Variants in LRP1B observed in about 807,000 individuals in gnomAD.
LRP1B encodes LDL receptor related protein 1B, also known as low-density lipoprotein receptor-related protein 1B.
LRP1B carries 217 observed loss-of-function variants against 556.6 expected under a neutral mutation model. That is an observed-to-expected ratio of 0.39 (90% CI 0.35 to 0.44). The LOEUF is 0.44. Ranked by LOEUF, LRP1B falls within the 20% of genes least tolerant of loss-of-function variation. LRP1B has a pLI of 1.00. For synonymous variants in LRP1B, 2,047 were observed against 1,865.8 expected (o/e 1.10, Z -2.50); for missense variants, 5,053 against 5,620.8 (o/e 0.90, Z 3.23).
At chr2:140,253,181 C>T (rs1681529507) in intron 86 of LRP1B, among the ~76,000 whole-genome samples, 1 of 151,870 alleles carries the variant, frequency 6.6e-6, no homozygotes, top group African/African-American at 2.4e-5. Flanking sequence ...TAAACTATGA[C>T]AGTAAACATT....
At chr2:142,066,765 C>T (rs1705124663) in intron 1 of LRP1B, among the ~76,000 whole-genome samples, 1 of 151,484 alleles carries the variant, frequency 6.6e-6, no homozygotes, top group African/African-American at 2.4e-5. Context: ...TTCAAATCTA[C>T]TTCCACATTT....
intron 3 of LRP1B, among the ~76,000 whole-genome samples, chr2:141,448,633 T>C (rs1681288770): frequency 6.6e-6 from 1 of 152,238 alleles, no homozygotes; most frequent in East Asian, 1.9e-4. Flanking sequence ...CTTCACGGCT[T>C]CCCCTGGCTA....
At chr2:140,864,572 A>G (rs1481145453) in intron 27 of LRP1B, among the ~76,000 whole-genome samples, 2 of 152,090 alleles carry the variant, frequency 1.3e-5, no homozygotes, top group Non-Finnish European at 2.9e-5. Flanking sequence ...TTAATGCTTC[A>G]TTATATAATC....
intron 3 of LRP1B, among the ~76,000 whole-genome samples, chr2:141,478,173 C>T (rs1185978247): frequency 6.6e-6 from 1 of 151,906 alleles, no homozygotes; most frequent in Non-Finnish European, 1.5e-5. Flanking sequence ...ATTTGAATCC[C>T]CTTTTATGCT....
In LRP1B at chr2:141,528,685, GAATTA is replaced by G. The variant is rs1207002466; in HGVS notation, c.206-48157_206-48153del. 3.3e-5 allele frequency among the ~76,000 whole-genome samples: 5 copies of G among 152,140 alleles called. No homozygotes were observed. The East Asian group carries it at 9.7e-4, about 29-fold the overall frequency. ...TCTTCACCATAGGACTTTATCATCT[GAATTA>G]AATTAGAACTAGGGTAAAAATCTAA... On this transcript the variant is annotated intron_variant, in intron 2 of 90. Transcript: ENST00000389484.
intron 41 of LRP1B, among the ~76,000 whole-genome samples, chr2:140,632,637 G>C (rs1441232677): frequency 1.3e-5 from 2 of 151,974 alleles, no homozygotes; most frequent in African/African-American, 2.4e-5. Flanking sequence ...ATTACAATAT[G>C]GTACATATTA....
chr2:140,412,600 C>T (rs1433862541), intron 66 of LRP1B, among the ~76,000 whole-genome samples: 5 of 152,034 alleles, frequency 3.3e-5, no homozygotes, highest in Admixed American at 1.3e-4. Context: ...AAAGTACCCA[C>T]TATGTGTCAG....
intron 41 of LRP1B, among the ~76,000 whole-genome samples, chr2:140,688,513 T>C (rs893547272): frequency 4.6e-5 from 7 of 152,120 alleles, no homozygotes; most frequent in Non-Finnish European, 1.5e-5. Flanking sequence ...GTTTAATGTA[T>C]TATTTAGGAG....
At chr2:141,114,162 C>A (rs1700822488) in intron 7 of LRP1B, among the ~76,000 whole-genome samples, 1 of 152,226 alleles carries the variant, frequency 6.6e-6, no homozygotes, top group Non-Finnish European at 1.5e-5. Flanking sequence ...GGCACACAGG[C>A]AGGCAGGTGC....
At chr2:141,032,826 C>CATACATACATACATATATAT in intron 11 of LRP1B, among the ~76,000 whole-genome samples, 1 of 126,616 alleles carries the variant, frequency 7.9e-6, no homozygotes, top group African/African-American at 3.0e-5. Context: ...TATATACATA[C>CATACATACATACATATATAT]ATATATATAT....
chr2:140,850,373 G>C lies in LRP1B; in HGVS notation c.4712-44C>G, dbSNP rs757441184. Reference sequence around the variant, plus strand: ...TTCTTTTCTCTTATGAAGTTGGCAAGCTTGAAAGTCTAGAAATTCTAAAAT... The same window carrying C: ...TTCTTTTCTCTTATGAAGTTGGCAACCTTGAAAGTCTAGAAATTCTAAAAT... On this transcript the variant is annotated intron_variant, in intron 28 of 90. Coordinates refer to ENST00000389484, the MANE Select transcript of LRP1B (RefSeq NM_018557.3). The C allele has an allele frequency of 4.2e-6, 5 of 1,203,814 alleles. No homozygotes were observed. In the East Asian group the frequency reaches 1.0e-4, roughly 24 times the overall value. 74.6% of individuals were successfully genotyped at this position (1,203,814 alleles called of 1,614,324 possible).
chr2:141,155,321 A>T (rs1291142876), intron 7 of LRP1B, among the ~76,000 whole-genome samples: 1 of 151,966 alleles, frequency 6.6e-6, no homozygotes, highest in Non-Finnish European at 1.5e-5. Context: ...TCACACAATA[A>T]TGCTTTATAT....
At chr2:142,055,353 T>C (rs1559046047) in intron 1 of LRP1B, among the ~76,000 whole-genome samples, 1 of 152,128 alleles carries the variant, frequency 6.6e-6, no homozygotes, top group Non-Finnish European at 1.5e-5. Flanking sequence ...GGTAATCTAA[T>C]GGCATATTGA....
intron 41 of LRP1B, among the ~76,000 whole-genome samples, chr2:140,632,573 T>C (rs1161604173): frequency 2.6e-5 from 4 of 151,590 alleles, no homozygotes; most frequent in South Asian, 4.2e-4. Context: ...CCAGAGGAGA[T>C]AGGAAAAGAG....
At chr2:140,936,747 C>A (rs1695238328) in intron 20 of LRP1B, among the ~76,000 whole-genome samples, 2 of 152,122 alleles carry the variant, frequency 1.3e-5, no homozygotes, top group African/African-American at 4.8e-5. Context: ...TATTATTGTA[C>A]CTTTTGTTTG....
At chr2:141,147,919 A>G (rs1701826657) in intron 7 of LRP1B, among the ~76,000 whole-genome samples, 1 of 152,158 alleles carries the variant, frequency 6.6e-6, no homozygotes, top group South Asian at 2.1e-4. Flanking sequence ...ATAACTGTCT[A>G]CAGCATTCAA....
intron 1 of LRP1B, among the ~76,000 whole-genome samples, chr2:141,969,939 C>T (rs575258918): frequency 6.6e-6 from 1 of 151,636 alleles, no homozygotes; most frequent in East Asian, 1.9e-4. Flanking sequence ...CTCTTGCCAA[C>T]ACTTATCTTT....
intron 4 of LRP1B, among the ~76,000 whole-genome samples, chr2:141,248,367 C>T (rs984232053): frequency 1.1e-4 from 17 of 152,228 alleles, no homozygotes; most frequent in African/African-American, 4.1e-4. Context: ...TGATACTATA[C>T]ATTTCCTTAT....
At chr2:141,792,949 T>C (rs1311939863) in intron 2 of LRP1B, among the ~76,000 whole-genome samples, 1 of 151,976 alleles carries the variant, frequency 6.6e-6, no homozygotes, top group Non-Finnish European at 1.5e-5. Flanking sequence ...TTGATAATAA[T>C]AAAAATTTTT....
Sources: gnomAD v4.1 joint callset for allele counts (sites outside exome capture counted in the v4.1 genomes callset) on GRCh38, gnomAD v4.1.1 for gene constraint, MANE v1.5 for transcripts, NCBI Gene and HGNC (gene_info 2026-07-23, HGNC 2026-07-21) for gene names.